Variants in STIL observed in about 807,000 individuals in gnomAD.
STIL encodes the protein SCL-interrupting locus protein.
A neutral mutation model predicts 110.1 loss-of-function variants in STIL; 55 were observed. That is an observed-to-expected ratio of 0.50 (90% CI 0.40 to 0.63). STIL has a LOEUF of 0.63. Ranked by LOEUF, STIL falls within the 20% of genes least tolerant of loss-of-function variation. The pLI, the probability that STIL is intolerant of heterozygous loss-of-function variation, is 0.00. For missense variants in STIL, 1,358 were observed against 1,530.0 expected, an observed-to-expected ratio of 0.89 and a Z score of 1.87; for synonymous variants, 481 against 530.0, an observed-to-expected ratio of 0.91 and a Z score of 1.27.
At chr1:47,300,514 G>A (rs1484111624) in intron 5 of STIL, among the ~76,000 whole-genome samples, 1 of 151,522 alleles carries the variant, frequency 6.6e-6, no homozygotes, top group Admixed American at 6.6e-5. Context: ...TTTTGCCCAG[G>A]CTGGAGTGCA....
chr1:47,255,290 G>A (rs1047911682), intron 16 of STIL, among the ~76,000 whole-genome samples: 8 of 152,184 alleles, frequency 5.3e-5, no homozygotes, highest in Admixed American at 6.5e-5. Flanking sequence ...AAGGAATGAT[G>A]AAAGTCCATG....
intron 12 of STIL, among the ~76,000 whole-genome samples, chr1:47,278,860 A>C (rs1645065603): frequency 6.6e-6 from 1 of 152,188 alleles, no homozygotes; most frequent in African/African-American, 2.4e-5. Flanking sequence ...GAATTTACCT[A>C]GGTTTAAAAA....
At chr1:47,276,812 T>TTA (rs1645005978) in intron 12 of STIL, among the ~76,000 whole-genome samples, 1 of 67,630 alleles carries the variant, frequency 1.5e-5, no homozygotes, top group African/African-American at 5.6e-5. Context: ...AAACTCTGCC[T>TTA]AAAAAAAAAA....
rs1645806223 is a variant in STIL, at chr1:47,301,588, A to G, written c.426T>C (p.Ser142=). Residue 142 remains serine, a synonymous_variant, in exon 5 of 17, where the codon AGT becomes AGC. Coordinates refer to ENST00000371877, the MANE Select transcript of STIL (RefSeq NM_001048166.1). ...TTAAAGCTGAACTGAAGTCATCTAC[A>G]CTGTGAACTATCATTTCTCTTGAAC... ...ELCSREMIVH[S]VDDFSSALKA... The G allele has an allele frequency of 1.2e-6, 2 of 1,613,904 alleles. No individual in the cohort carries two copies. Among genetic ancestry groups the G allele is most frequent in the Non-Finnish European group, 1.7e-6 (2 of 1,180,004 alleles).
In STIL at chr1:47,282,344, C is replaced by T. The variant is rs1348729736; in HGVS notation, c.1248+1G>A. 1 of 1,597,200 alleles carries T rather than the reference C, an allele frequency of 6.3e-7. No individual in the cohort carries two copies. The highest frequency in any genetic ancestry group is 8.6e-7 in the Non-Finnish European group (1 of 1,166,398). On this transcript the variant is annotated splice_donor_variant, in intron 11 of 16. Transcript: ENST00000371877. LOFTEE classifies it high-confidence loss of function. ...TGAATGCATTTTAAAATCAGTGATA[C>T]CTTCTGACTCACTGGATGAGGACTA...
At chr1:47,274,696 C>A (rs1165384500) in intron 12 of STIL, among the ~76,000 whole-genome samples, 2 of 148,670 alleles carry the variant, frequency 1.3e-5, no homozygotes, top group Admixed American at 1.3e-4. Context: ...GCTGCATCTT[C>A]TCCATTAAAA....
At chr1:47,287,447 T>TA (rs1645335088) in intron 10 of STIL, 104 bp downstream of exon 10, 1 of 759,694 alleles carries the variant, frequency 1.3e-6, no homozygotes, top group Non-Finnish European at 2.1e-6. Flanking sequence ...ACATAAGATT[T>TA]AAAAAATCAT....
At chr1:47,259,580 C>T (rs768515617) in intron 16 of STIL, among the ~76,000 whole-genome samples, 4 of 152,236 alleles carry the variant, frequency 2.6e-5, no homozygotes, top group South Asian at 4.2e-4. Context: ...TGAGCCACCG[C>T]GCCCGGCCTA....
chr1:47,289,938 CAAAAA>C (rs59432279), intron 8 of STIL, among the ~76,000 whole-genome samples: 2 of 104,054 alleles, frequency 1.9e-5, no homozygotes, highest in Non-Finnish European at 2.0e-5. Context: ...ACTCCGTCTC[CAAAAA>C]AAAAAAAAAA....
In STIL at chr1:47,251,079, C is replaced by T; in HGVS notation, c.*57G>A. The T allele has an allele frequency of 6.5e-7, 1 of 1,543,204 alleles. No homozygotes were observed. The highest frequency in any genetic ancestry group is 8.8e-7 in the Non-Finnish European group (1 of 1,137,378). ...GCCTTGTGGTAGGCTCCTGTTTTCC[C>T]TAAGTATCTTCAGGAGACACCCTGT... On this transcript the variant is annotated 3_prime_UTR_variant, in exon 17 of 17. Transcript: ENST00000371877.
intron 13 of STIL, 42 bp from the exon 14 acceptor site, chr1:47,269,908 C>T: frequency 1.3e-6 from 2 of 1,553,910 alleles, no homozygotes; most frequent in South Asian, 1.1e-5. Flanking sequence ...AAACATTCAA[C>T]TTTAAAAATA....
intron 12 of STIL, among the ~76,000 whole-genome samples, chr1:47,272,638 T>C (rs576852406): frequency 6.6e-6 from 1 of 151,986 alleles, no homozygotes; most frequent in Non-Finnish European, 1.5e-5. Flanking sequence ...TTTGTAGAGA[T>C]GGGGTTTTGC....
At chr1:47,257,328 T>A (rs1467500241) in intron 16 of STIL, among the ~76,000 whole-genome samples, 2 of 152,102 alleles carry the variant, frequency 1.3e-5, no homozygotes, top group Non-Finnish European at 2.9e-5. Flanking sequence ...GCAGTACAGT[T>A]TCCTATTTAA....
chr1:47,280,982 T>A lies in STIL; in HGVS notation c.1476A>T (p.Leu492Phe). ...TCAAAAGAGCTGGTTTATCCTGGTTTAACTGATTTGGTATTCCTCTCAAGG... is the reference window on the plus strand; with the variant it reads ...TCAAAAGAGCTGGTTTATCCTGGTTAAACTGATTTGGTATTCCTCTCAAGG... ...EPSLRGIPNQ[L>F]NQDKPALLRH... The change falls in exon 12 of 17, where the codon TTA becomes TTT. Residue 492 changes from leucine to phenylalanine, a missense_variant. By Grantham distance (22) the Leu-to-Phe change is conservative. Transcript: ENST00000371877. The A allele has an allele frequency of 1.2e-6, 2 of 1,614,094 alleles. No homozygotes were observed. The highest frequency in any genetic ancestry group is 1.7e-6 in the Non-Finnish European group (2 of 1,180,010).
At chr1:47,274,796 T>C (rs983014475) in intron 12 of STIL, among the ~76,000 whole-genome samples, 4 of 141,090 alleles carry the variant, frequency 2.8e-5, no homozygotes, top group Non-Finnish European at 4.9e-5. Context: ...CAGGCAGATA[T>C]GTGGAGCAGA....
intron 12 of STIL, among the ~76,000 whole-genome samples, chr1:47,278,255 T>C (rs1340346681): frequency 6.6e-6 from 1 of 152,162 alleles, no homozygotes; most frequent in Non-Finnish European, 1.5e-5. Context: ...ATTAGAAAAT[T>C]TGTTGTCTAT....
chr1:47,273,830 T>C (rs1187062910), intron 12 of STIL, among the ~76,000 whole-genome samples: 2 of 152,182 alleles, frequency 1.3e-5, no homozygotes, highest in African/African-American at 4.8e-5. Flanking sequence ...GGAAAATAAG[T>C]ATCATCAATC....
intron 16 of STIL, among the ~76,000 whole-genome samples, chr1:47,256,295 T>A (rs1029617793): frequency 1.3e-5 from 2 of 152,182 alleles, no homozygotes; most frequent in African/African-American, 4.8e-5. Context: ...GAAGGCCCAC[T>A]AAGTTAGTGG....
At chr1:47,264,930 T>TAAAA (rs35230201) in intron 14 of STIL, among the ~76,000 whole-genome samples, 6 of 128,844 alleles carry the variant, frequency 4.7e-5, no homozygotes, top group African/African-American at 8.9e-5. Flanking sequence ...TTTCTAAAGT[T>TAAAA]AAAAAAAAAA....
Sources: allele counts gnomAD v4.1 joint callset (sites outside exome capture counted in the v4.1 genomes callset), GRCh38; gene constraint gnomAD v4.1.1; transcripts MANE v1.5; gene names NCBI Gene and HGNC (gene_info 2026-07-23, HGNC 2026-07-21).